KLK10: variants seen among roughly 807,000 people sequenced by gnomAD.
KLK10 encodes kallikrein-10.
In KLK10, 27 loss-of-function variants were observed where a neutral mutation model predicts 25.7. That is an observed-to-expected ratio of 1.05 (90% CI 0.77 to 1.45). The LOEUF is 1.45. Ranked by LOEUF, KLK10 falls within the 40% of genes most tolerant of loss-of-function variation. The pLI is 0.00. For synonymous variants in KLK10, 173 were observed against 160.1 expected (o/e 1.08, Z -0.61); for missense variants, 386 against 370.0 (o/e 1.04, Z -0.35).
chr19:51,014,976 T>C (rs1304560328), intron 5 of KLK10, 24 bp from the exon 6 acceptor site: 20 of 1,606,560 alleles, frequency 1.2e-5, no homozygotes, highest in Non-Finnish European at 1.5e-5. Context: ...GAAGGAGAGA[T>C]CAAATAAATG....
intron 4 of KLK10, 161 bp downstream of exon 4, chr19:51,015,721 C>T (rs1367820023): frequency 1.1e-5 from 12 of 1,060,332 alleles, no homozygotes; most frequent in Middle Eastern, 3.1e-4. Flanking sequence ...GGCCCCCAGC[C>T]CCTCCTCCCC....
In KLK10 at chr19:51,014,400, C is replaced by A; in HGVS notation, c.*400G>T. 1 of 196,956 alleles carries A rather than the reference C, an allele frequency of 5.1e-6. No homozygotes were observed. Among genetic ancestry groups the A allele is most frequent in the Non-Finnish European group, 1.0e-5 (1 of 95,426 alleles). The allele number at this position is 196,956 out of a possible 1,614,324, so 12.2% of individuals were successfully genotyped here. A position where few individuals can be genotyped will look rare whatever the true frequency, so the allele number is the denominator to read the frequency against. ...TCACAACATGTCTAAGAGGTAGGCA[C>A]GTCATTGTTCCCATTTTGCAGATGA... On this transcript the variant is annotated 3_prime_UTR_variant, in exon 6 of 6. Coordinates refer to ENST00000358789, the MANE Select transcript of KLK10 (RefSeq NM_145888.3).
At chr19:51,015,814 C>G in intron 4 of KLK10, 68 bp downstream of exon 4, 1 of 1,407,142 alleles carries the variant, frequency 7.1e-7, no homozygotes, top group Non-Finnish European at 9.4e-7. Flanking sequence ...CATCCTTCCT[C>G]AGACCCAGGG....
rs2075690 is a variant in KLK10, at chr19:51,015,980, A to G, written c.446T>C (p.Leu149Pro). The G allele has an allele frequency of 0.55, 871,018 of 1,574,216 alleles. 243,996 individuals are homozygous for G. The highest frequency in any genetic ancestry group is 0.72 in the African/African-American group (53,808 of 74,434). The change falls in exon 4 of 6, where the codon CTG (leucine) becomes CCG (proline). Residue 149 changes from leucine to proline, a missense_variant. Leu to Pro is a moderately conservative substitution (Grantham distance 98). Transcript: ENST00000358789. ...CTGCAGGGCCCGGACGCGGGGCCCC[A>G]GCACTACGGGCCTGGCCAGCTTCAG... ...MLLKLARPVV[L>P]GPRVRALQLP...
chr19:51,017,017 T>C (rs2091337067), intron 3 of KLK10, 93 bp downstream of exon 3: 1 of 1,258,750 alleles, frequency 7.9e-7, no homozygotes, highest in East Asian at 2.6e-5. Context: ...CCTCCAGCTG[T>C]GGGAGTTCCG....
intron 5 of KLK10, 124 bp downstream of exon 5, chr19:51,015,293 A>G (rs2091309606): frequency 4.5e-6 from 5 of 1,099,546 alleles, no homozygotes; most frequent in Non-Finnish European, 6.7e-6. Context: ...AGGTCTGGGT[A>G]AGAGTTGGGG....
Position 51,017,217 on chromosome 19 carries a change from G to T in KLK10, c.162C>A (p.Arg54=). 2 of 1,611,994 alleles carry T rather than the reference G, an allele frequency of 1.2e-6. No homozygotes were observed. Among genetic ancestry groups the T allele is most frequent in the Admixed American group, 3.3e-5 (2 of 59,824 alleles). The change falls in exon 3 of 6, where the codon CGC becomes CGA. Residue 54 remains arginine, a synonymous_variant. Coordinates refer to ENST00000358789, the MANE Select transcript of KLK10 (RefSeq NM_145888.3). ...DPEAYGSPCA[R]GSQPWQVSLF... ...GCGAGACCTGCCAGGGCTGCGAGCC[G>T]CGCGCGCACGGGGAGCCATAGGCTT... is the stretch of plus-strand genomic sequence containing the variant.
intron 2 of KLK10, among the ~76,000 whole-genome samples, chr19:51,017,554 C>A (rs898706248): frequency 6.6e-6 from 1 of 151,412 alleles, no homozygotes; most frequent in African/African-American, 2.4e-5. Context: ...CTGAACGCAG[C>A]GCGCCTGGAG....
At chr19:51,018,975 G>C in intron 2 of KLK10, 68 bp downstream of exon 2, 1 of 1,178,068 alleles carries the variant, frequency 8.5e-7, no homozygotes. Context: ...CTTGGTGACG[G>C]GAACACATTC....
intron 4 of KLK10, 163 bp downstream of exon 4, chr19:51,015,719 G>A (rs2091317450): frequency 3.9e-6 from 4 of 1,031,114 alleles, no homozygotes; most frequent in Non-Finnish European, 4.1e-6. Flanking sequence ...CAGGCCCCCA[G>A]CCCCTCCTCC....
chr19:51,018,024 A>AAAAAAAC (rs2091354112), intron 2 of KLK10, among the ~76,000 whole-genome samples: 1 of 132,868 alleles, frequency 7.5e-6, no homozygotes, highest in Non-Finnish European at 1.6e-5. Context: ...AAAAAAAAAA[A>AAAAAAAC]AGCCGGATGT....
chr19:51,016,882 G>A (rs554122041), intron 3 of KLK10, among the ~76,000 whole-genome samples: 186 of 152,266 alleles, frequency 1.2e-3, no homozygotes, highest in Non-Finnish European at 2.1e-3. Flanking sequence ...TCCTCCTAGA[G>A]CTCAAGGAGA....
In KLK10 at chr19:51,015,566, G is replaced by T; in HGVS notation, c.545-16C>A. The T allele has an allele frequency of 6.2e-7, 1 of 1,611,950 alleles. No homozygotes were observed. The highest frequency in any genetic ancestry group is 8.5e-7 in the Non-Finnish European group (1 of 1,178,264). Reference sequence around the variant, plus strand: ...TTGTACTTCACTGAAGGGAGAATATGCCAGTAATCCCTGGGTCCAGCCCCC... The same window carrying T: ...TTGTACTTCACTGAAGGGAGAATATTCCAGTAATCCCTGGGTCCAGCCCCC... On this transcript the variant is annotated splice_polypyrimidine_tract_variant and intron_variant, in intron 4 of 5. Coordinates refer to ENST00000358789, the MANE Select transcript of KLK10 (RefSeq NM_145888.3).
intron 4 of KLK10, 137 bp from the exon 5 acceptor site, chr19:51,015,687 TC>T: frequency 9.5e-7 from 1 of 1,057,654 alleles, no homozygotes; most frequent in Non-Finnish European, 1.3e-6. Flanking sequence ...CCCCAGCCCC[TC>T]CCCACTTAGA....
rs762681073 is a variant in KLK10, at chr19:51,015,437, G to A, written c.658C>T (p.Arg220Trp). 51 of 1,613,484 alleles carry A rather than the reference G, an allele frequency of 3.2e-5. No homozygotes were observed. The East Asian group carries it at 3.3e-4, about 11-fold the overall frequency. The part of the protein sequence containing the change: ...TNNMICAGLD[R>W]GQDPCQSDSG... Reference sequence around the variant, plus strand: ...CCTACCTGGCAAGGGTCCTGGCCCCGGTCCAGTCCAGCACATATCATGTTG... The same window carrying A: ...CCTACCTGGCAAGGGTCCTGGCCCCAGTCCAGTCCAGCACATATCATGTTG... Residue 220 changes from arginine (R) to tryptophan (W), a missense_variant, in exon 5 of 6, where the codon CGG becomes TGG. By Grantham distance (101) the Arg-to-Trp change is moderately radical. Coordinates refer to ENST00000358789, the MANE Select transcript of KLK10 (RefSeq NM_145888.3).
At chr19:51,018,278 A>C (rs1568566110) in intron 2 of KLK10, among the ~76,000 whole-genome samples, 1 of 151,130 alleles carries the variant, frequency 6.6e-6, no homozygotes, top group African/African-American at 2.4e-5. Context: ...AAACAAACGA[A>C]AGGAAGGAAG....
At chr19:51,015,356 T>C (rs1470934311) in intron 5 of KLK10, 61 bp downstream of exon 5, 1 of 1,579,956 alleles carries the variant, frequency 6.3e-7, no homozygotes, top group Admixed American at 1.7e-5. Context: ...GTCTGCTCTT[T>C]TCCCATAACC....
At chr19:51,018,097 C>T (rs2091355178) in intron 2 of KLK10, among the ~76,000 whole-genome samples, 1 of 114,900 alleles carries the variant, frequency 8.7e-6, no homozygotes, top group Admixed American at 1.1e-4. Context: ...CCCAGGAGGT[C>T]GAGGCTGCAG....
chr19:51,016,722 G>A (rs2091333318), intron 3 of KLK10, among the ~76,000 whole-genome samples: 1 of 151,920 alleles, frequency 6.6e-6, no homozygotes, highest in African/African-American at 2.4e-5. Context: ...ACAGGCGTGA[G>A]CCACCGAGCC....
Sources: allele counts gnomAD v4.1 joint callset (sites outside exome capture counted in the v4.1 genomes callset), GRCh38; gene constraint gnomAD v4.1.1; transcripts MANE v1.5; gene names NCBI Gene and HGNC (gene_info 2026-07-23, HGNC 2026-07-21).